The following WWOX variants were observed in gnomAD, a reference collection of about 807,000 sequenced individuals.
WWOX encodes the protein WW domain containing oxidoreductase, also known as WW domain-containing oxidoreductase.
WWOX carries 69 observed loss-of-function variants against 46.2 expected under a neutral mutation model. The observed-to-expected ratio is 1.49, with a 90% confidence interval of 1.23 to 1.82. WWOX has a LOEUF of 1.82. Ranked by LOEUF, WWOX falls within the 40% of genes most tolerant of loss-of-function variation. The probability of loss-of-function intolerance (pLI) is 0.00; values close to 1 mark genes in which losing one functional copy is unlikely to be tolerated. For synonymous variants in WWOX, 359 were observed against 202.6 expected, an observed-to-expected ratio of 1.77 and a Z score of -6.56; for missense variants, 919 against 542.6, an observed-to-expected ratio of 1.69 and a Z score of -6.89.
intron 8 of WWOX, among the ~76,000 whole-genome samples, chr16:78,664,353 C>G (rs1192584804): frequency 1.3e-5 from 2 of 152,110 alleles, no homozygotes; most frequent in Admixed American, 1.3e-4. Context: ...ATGTGTGCTG[C>G]GTGAGTGATG....
chr16:78,101,268 C>T (rs1009151667), intron 1 of WWOX, among the ~76,000 whole-genome samples: 3 of 150,048 alleles, frequency 2.0e-5, no homozygotes, highest in Non-Finnish European at 3.0e-5. Flanking sequence ...AGGATGGTCT[C>T]GATCTCCTGA....
At position 78,597,382 on chromosome 16, in the gene WWOX, C is replaced by T. The variant is rs111245082; in HGVS notation, c.1056+164630C>T. Among the ~76,000 whole-genome samples the T allele has an allele frequency of 3.5e-4, 54 of 152,282 alleles. 1 individual carries two copies. The highest frequency in any genetic ancestry group is 1.3e-3 in the African/African-American group (52 of 41,562). On this transcript the variant is annotated intron_variant, in intron 8 of 8. Coordinates refer to ENST00000566780, the MANE Select transcript of WWOX (RefSeq NM_016373.4). Reference sequence around the variant, plus strand: ...CATTCATTTGGATTCTACGGTGGCTCTTTACCCATTGCCATCATTTTGTAG... The same window carrying T: ...CATTCATTTGGATTCTACGGTGGCTTTTTACCCATTGCCATCATTTTGTAG...
At chr16:78,510,080 TG>T (rs1597188412) in intron 8 of WWOX, among the ~76,000 whole-genome samples, 2 of 151,990 alleles carry the variant, frequency 1.3e-5, no homozygotes, top group Non-Finnish European at 2.9e-5. Flanking sequence ...TCTGTCTGTC[TG>T]TCTGTCTGTC....
chr16:78,402,566 C>T (rs1295560109), intron 6 of WWOX, among the ~76,000 whole-genome samples: 14 of 152,078 alleles, frequency 9.2e-5, no homozygotes, highest in Admixed American at 9.2e-4. Flanking sequence ...CAACACCAAC[C>T]CCCTTTCTGA....
At chr16:78,925,714 C>A (rs988744787) in intron 8 of WWOX, among the ~76,000 whole-genome samples, 2 of 152,192 alleles carry the variant, frequency 1.3e-5, no homozygotes, top group African/African-American at 4.8e-5. Context: ...TCTCCACCTT[C>A]CAGAGCTTTG....
chr16:78,244,558 G>A (rs1393891336), intron 5 of WWOX, among the ~76,000 whole-genome samples: 1 of 152,138 alleles, frequency 6.6e-6, no homozygotes, highest in East Asian at 1.9e-4. Flanking sequence ...ACGTTGGCCT[G>A]CGTTGGTAAA....
intron 8 of WWOX, among the ~76,000 whole-genome samples, chr16:78,593,419 T>C (rs1452550813): frequency 6.6e-6 from 1 of 152,144 alleles, no homozygotes; most frequent in Non-Finnish European, 1.5e-5. Flanking sequence ...TACTATCCCA[T>C]TTTCCTTTGC....
chr16:78,114,397 G>C (rs943534719), intron 3 of WWOX, among the ~76,000 whole-genome samples: 4 of 152,148 alleles, frequency 2.6e-5, no homozygotes, highest in Non-Finnish European at 5.9e-5. Context: ...ACTGTGCCCA[G>C]CCTCCAGTAT....
intron 5 of WWOX, chr16:78,355,780 C>T (rs1939725179): frequency 1.4e-6 from 1 of 712,794 alleles, no homozygotes; most frequent in Non-Finnish European, 2.4e-6. Flanking sequence ...TTCCAGTGTT[C>T]TTTCTCCGGG....
chr16:79,201,129 G>A (rs1220454815), intron 8 of WWOX, among the ~76,000 whole-genome samples: 1 of 152,082 alleles, frequency 6.6e-6, no homozygotes, highest in Non-Finnish European at 1.5e-5. Context: ...GTCAAAGACA[G>A]GAGTCCAATG....
chr16:79,063,915 G>A (rs116857226), intron 8 of WWOX, among the ~76,000 whole-genome samples: 1,994 of 152,250 alleles, frequency 0.013, 24 homozygotes, highest in Non-Finnish European at 0.022. Context: ...CTAGTATGGA[G>A]CAAAAACTGG....
intron 8 of WWOX, among the ~76,000 whole-genome samples, chr16:78,998,232 C>G (rs1351002423): frequency 6.6e-6 from 1 of 152,152 alleles, no homozygotes; most frequent in Non-Finnish European, 1.5e-5. Context: ...GGACGTTTTT[C>G]TCTTCTGCTG....
chr16:79,048,841 T>C (rs1277646423), intron 8 of WWOX, among the ~76,000 whole-genome samples: 1 of 152,166 alleles, frequency 6.6e-6, no homozygotes, highest in Non-Finnish European at 1.5e-5. Flanking sequence ...GCTGCCCTGA[T>C]GTTCCGGGCT....
At chr16:78,997,327 C>T (rs578071309) in intron 8 of WWOX, among the ~76,000 whole-genome samples, 4 of 152,268 alleles carry the variant, frequency 2.6e-5, no homozygotes, top group Non-Finnish European at 5.9e-5. Flanking sequence ...TTGGAAATAA[C>T]GTACCTCTTA....
chr16:78,681,770 CTG>C (rs1265051074), intron 8 of WWOX, among the ~76,000 whole-genome samples: 1 of 152,226 alleles, frequency 6.6e-6, no homozygotes, highest in Non-Finnish European at 1.5e-5. Flanking sequence ...CGCAGTGACT[CTG>C]TGGCGTACTA....
At chr16:78,495,142 G>GTTTTTTTTTT (rs1567605681) in intron 8 of WWOX, among the ~76,000 whole-genome samples, 12 of 46,890 alleles carry the variant, frequency 2.6e-4, no homozygotes, top group Non-Finnish European at 3.9e-4. Context: ...AGACTGTTGT[G>GTTTTTTTTTT]TTCTTTTTTT....
chr16:78,912,456 T>A (rs903823669), intron 8 of WWOX, among the ~76,000 whole-genome samples: 1 of 151,872 alleles, frequency 6.6e-6, no homozygotes, highest in Non-Finnish European at 1.5e-5. Context: ...TTTGCCTGCG[T>A]CTTCACCCAA....
intron 8 of WWOX, among the ~76,000 whole-genome samples, chr16:79,119,808 C>G (rs1378354916): frequency 1.3e-5 from 2 of 152,254 alleles, no homozygotes; most frequent in East Asian, 1.9e-4. Flanking sequence ...AGGGAAGACA[C>G]TAGGATCAAG....
intron 8 of WWOX, among the ~76,000 whole-genome samples, chr16:78,808,881 T>C (rs1124596): frequency 0.43 from 64,941 of 152,032 alleles, 15,346 homozygotes; most frequent in Middle Eastern, 0.6. Context: ...TATAGTTGTG[T>C]GGCTTGGTGG....
Sources: gnomAD v4.1 joint callset for allele counts (sites outside exome capture counted in the v4.1 genomes callset) on GRCh38, gnomAD v4.1.1 for gene constraint, MANE v1.5 for transcripts, NCBI Gene and HGNC (gene_info 2026-07-23, HGNC 2026-07-21) for gene names.